ZNF644: variants seen among roughly 807,000 people sequenced by gnomAD.
The protein encoded by ZNF644 is zinc finger protein 644.
In ZNF644, 20 loss-of-function variants were observed where a neutral mutation model predicts 108.0. That is an observed-to-expected ratio of 0.19 (90% confidence interval 0.13 to 0.27). ZNF644 has a LOEUF of 0.27. Ranked by LOEUF, ZNF644 falls within the 10% of genes least tolerant of loss-of-function variation. ZNF644 has a pLI of 1.00. For missense variants in ZNF644, 1,338 were observed against 1,548.9 expected (o/e 0.86, Z 2.29); for synonymous variants, 542 against 539.1 (o/e 1.01, Z -0.08).
intron 1 of ZNF644, among the ~76,000 whole-genome samples, chr1:90,984,892 G>C (rs1179743372): frequency 6.6e-6 from 1 of 152,114 alleles, no homozygotes; most frequent in Admixed American, 6.5e-5. Context: ...GCAGATCAAT[G>C]CATATTTTTT....
Position 90,940,043 on chromosome 1 carries a change from A to G in ZNF644, c.1311T>C (p.Ser437=), listed in dbSNP as rs745798062. 5.6e-6 allele frequency: 9 copies of G among 1,613,918 alleles called. No homozygotes were observed. Among genetic ancestry groups the G allele is most frequent in the Non-Finnish European group, 6.8e-6 (8 of 1,179,958 alleles). Residue 437 remains serine, a synonymous_variant, in exon 3 of 6, where the codon AGT becomes AGC. Transcript: ENST00000337393. ...TTGGGACATTAAGATGGCGAAAGTG[A>G]CTATTCCCATCTAAATGATACATCA... ...RHMMYHLDGN[S]HFRHLNVPRP...
intron 1 of ZNF644, among the ~76,000 whole-genome samples, chr1:91,001,098 C>G (rs1030114109): frequency 6.6e-6 from 1 of 152,162 alleles, no homozygotes; most frequent in African/African-American, 2.4e-5. Context: ...CCAAATTCTA[C>G]CAGAGGTACA....
At chr1:90,948,030 A>T (rs1158709837) in intron 2 of ZNF644, among the ~76,000 whole-genome samples, 1 of 152,216 alleles carries the variant, frequency 6.6e-6, no homozygotes, top group Non-Finnish European at 1.5e-5. Context: ...ATACGTAAAG[A>T]AGTGAGATAA....
chr1:90,928,731 A>T (rs989325699), intron 4 of ZNF644, among the ~76,000 whole-genome samples: 15 of 152,182 alleles, frequency 9.9e-5, no homozygotes, highest in African/African-American at 3.4e-4. Flanking sequence ...ATCTGTAACC[A>T]AATCTTCTGA....
intron 4 of ZNF644, among the ~76,000 whole-genome samples, chr1:90,920,867 T>C (rs2100783742): frequency 6.6e-6 from 1 of 152,194 alleles, no homozygotes; most frequent in Non-Finnish European, 1.5e-5. Flanking sequence ...CCTCAGTGTT[T>C]TAATATCTTC....
intron 1 of ZNF644, among the ~76,000 whole-genome samples, chr1:90,999,857 T>C (rs372019529): frequency 1.3e-5 from 2 of 151,554 alleles, no homozygotes; most frequent in African/African-American, 2.4e-5. Context: ...ACCAAGCAAA[T>C]GGAAAACAAA....
intron 2 of ZNF644, among the ~76,000 whole-genome samples, chr1:90,956,237 A>G (rs996706812): frequency 3.3e-5 from 5 of 152,210 alleles, no homozygotes; most frequent in African/African-American, 1.2e-4. Flanking sequence ...ATAACAAAAT[A>G]AAAAGTTTGA....
intron 2 of ZNF644, among the ~76,000 whole-genome samples, chr1:90,971,182 C>G (rs553830426): frequency 6.7e-6 from 1 of 150,008 alleles, no homozygotes; most frequent in Non-Finnish European, 1.5e-5. Context: ...TATTATACAC[C>G]GTAAGCAAAT....
At chr1:91,009,058 A>AC (rs1359646030) in intron 1 of ZNF644, among the ~76,000 whole-genome samples, 1 of 152,004 alleles carries the variant, frequency 6.6e-6, no homozygotes, top group East Asian at 1.9e-4. Context: ...ACAAAGTGCG[A>AC]CCCCATCTCT....
chr1:90,939,799 C>T lies in ZNF644; in HGVS notation c.1555G>A (p.Glu519Lys). The T allele has an allele frequency of 6.2e-7, 1 of 1,613,954 alleles. No homozygotes were observed. Among genetic ancestry groups the T allele is most frequent in the Non-Finnish European group, 8.5e-7 (1 of 1,179,938 alleles). ...CAGCAGTAGTACCTTTTATCTTTTTCATGGGTTTTAGCATGTTGCACAAAT... is the reference window on the plus strand; with the variant it reads ...CAGCAGTAGTACCTTTTATCTTTTTTATGGGTTTTAGCATGTTGCACAAAT... ...KTFVQHAKTH[E>K]KDKRYYCCEE... is the part of the protein sequence containing the mutation. Residue 519 changes from glutamate (E) to lysine (K), a missense_variant, in exon 3 of 6, where the codon GAA becomes AAA. By Grantham distance (56) the Glu-to-Lys change is moderately conservative (BLOSUM62 1). Transcript: ENST00000337393.
chr1:90,918,321 G>T, intron 4 of ZNF644, 167 bp from the exon 5 acceptor site: 1 of 661,272 alleles, frequency 1.5e-6, no homozygotes. Context: ...TTCTGTAATA[G>T]CAGTAATATT....
chr1:90,930,944 A>T (rs1158192750), intron 4 of ZNF644, among the ~76,000 whole-genome samples: 1 of 152,176 alleles, frequency 6.6e-6, no homozygotes, highest in African/African-American at 2.4e-5. Context: ...ACCTCAAAAT[A>T]TATTTTTTTT....
chr1:90,925,797 C>A (rs911535696), intron 4 of ZNF644, among the ~76,000 whole-genome samples: 1 of 152,090 alleles, frequency 6.6e-6, no homozygotes, highest in African/African-American at 2.4e-5. Flanking sequence ...AACTCTTAGG[C>A]TATATTCTCC....
At chr1:90,988,197 A>C (rs538219223) in intron 1 of ZNF644, among the ~76,000 whole-genome samples, 2 of 152,320 alleles carry the variant, frequency 1.3e-5, no homozygotes, top group South Asian at 4.1e-4. Context: ...TCATTTCAGC[A>C]AAGTTAAAGG....
chr1:90,992,397 CAAA>C (rs77298407), intron 1 of ZNF644, among the ~76,000 whole-genome samples: 1 of 137,176 alleles, frequency 7.3e-6, no homozygotes, highest in African/African-American at 2.7e-5. Flanking sequence ...CATTTATAAC[CAAA>C]AAAAAAAAAA....
chr1:90,954,960 TAC>T (rs1653598140), intron 2 of ZNF644, among the ~76,000 whole-genome samples: 1 of 152,246 alleles, frequency 6.6e-6, no homozygotes, highest in Non-Finnish European at 1.5e-5. Context: ...TCACTCTAGC[TAC>T]AGCAGCTGTA....
intron 2 of ZNF644, among the ~76,000 whole-genome samples, chr1:90,979,426 CTG>C (rs1292834471): frequency 6.6e-6 from 1 of 152,088 alleles, no homozygotes; most frequent in Non-Finnish European, 1.5e-5. Context: ...TGAGCTGAGA[CTG>C]TGCCATTGCA....
rs200570397 is a variant in ZNF644 at position 90,937,532 on chromosome 1, C to T, written c.3641G>A (p.Ser1214Asn). The change falls in exon 4 of 6, where the codon AGT becomes AAT. Residue 1214 changes from serine (S) to asparagine (N), a missense_variant. Transcript: ENST00000337393. Reference protein sequence around the residue: ...QKCVLPLNEDSPLMYQPQKMD... With the variant: ...QKCVLPLNEDNPLMYQPQKMD... ...TTTTTGTGGCTGATACATCAACGGACTATCCTCATTTAATGGAAGAACGCA... is the reference window on the plus strand; with the variant it reads ...TTTTTGTGGCTGATACATCAACGGATTATCCTCATTTAATGGAAGAACGCA... The T allele has an allele frequency of 2.7e-5, 43 of 1,613,866 alleles. No individual in the cohort carries two copies. In the African/African-American group the frequency reaches 5.6e-4, roughly 21 times the overall value.
At chr1:91,019,720 C>A (rs1195710012) in intron 1 of ZNF644, among the ~76,000 whole-genome samples, 1 of 152,094 alleles carries the variant, frequency 6.6e-6, no homozygotes, top group African/African-American at 2.4e-5. Context: ...ATAGGCACCA[C>A]CACGCCCAGG....
Sources: gnomAD v4.1 joint callset for allele counts (sites outside exome capture counted in the v4.1 genomes callset) on GRCh38, gnomAD v4.1.1 for gene constraint, MANE v1.5 for transcripts, NCBI Gene and HGNC (gene_info 2026-07-23, HGNC 2026-07-21) for gene names.